The following ZMYND8 variants were observed in gnomAD, a reference collection of about 807,000 sequenced individuals.
The protein encoded by ZMYND8 is MYND-type zinc finger-containing chromatin reader ZMYND8.
A neutral mutation model predicts 140.8 loss-of-function variants in ZMYND8; 37 were observed. The observed-to-expected ratio is 0.26, with a 90% CI of 0.20 to 0.35. The LOEUF is 0.35. ZMYND8 is among the 10% of genes least tolerant of loss of function. The pLI, the probability that ZMYND8 is intolerant of heterozygous loss-of-function variation, is 1.00. For missense variants in ZMYND8, 1,068 were observed against 1,570.0 expected (o/e 0.68, Z 5.40); for synonymous variants, 592 against 597.1 (o/e 0.99, Z 0.12).
intron 2 of ZMYND8, among the ~76,000 whole-genome samples, chr20:47,325,048 G>A (rs1342782417): frequency 6.6e-6 from 1 of 152,098 alleles, no homozygotes; most frequent in Non-Finnish European, 1.5e-5. Flanking sequence ...GGGACTACAG[G>A]CGTGCGCCAC....
intron 13 of ZMYND8, among the ~76,000 whole-genome samples, chr20:47,248,324 A>C (rs2073897883): frequency 6.6e-6 from 1 of 152,262 alleles, no homozygotes; most frequent in South Asian, 2.1e-4. Flanking sequence ...GGAAGGACCC[A>C]AGAGGATTAT....
chr20:47,248,184 T>C (rs1187156478), intron 13 of ZMYND8, among the ~76,000 whole-genome samples: 1 of 152,198 alleles, frequency 6.6e-6, no homozygotes, highest in Non-Finnish European at 1.5e-5. Flanking sequence ...ATGGGACTGA[T>C]AAAAGTATCA....
At chr20:47,313,186 C>T (rs1019346343) in intron 2 of ZMYND8, among the ~76,000 whole-genome samples, 12 of 145,824 alleles carry the variant, frequency 8.2e-5, no homozygotes, top group Non-Finnish European at 1.3e-4. Context: ...ACTATGATCA[C>T]GTCGGAGCCT....
intron 2 of ZMYND8, among the ~76,000 whole-genome samples, chr20:47,333,736 A>AC (rs2081155726): frequency 8.3e-6 from 1 of 120,422 alleles, no homozygotes; most frequent in African/African-American, 3.5e-5. Context: ...AAAAAAAAAA[A>AC]AAAAAAAAAA....
chr20:47,354,163 G>C (rs1247625519), intron 1 of ZMYND8: 1 of 152,126 alleles, frequency 6.6e-6, no homozygotes, highest in South Asian at 2.1e-4. Context: ...CACAGTACCA[G>C]AGGAAAAGTG....
At chr20:47,347,731 T>G (rs1309897678) in intron 2 of ZMYND8, 125 bp downstream of exon 2, 4 of 942,956 alleles carry the variant, frequency 4.2e-6, no homozygotes, top group Non-Finnish European at 3.2e-6. Context: ...ATCTTATATC[T>G]GAAAATCCAA....
rs186210124 is a variant in ZMYND8, at chr20:47,279,667, T to C, written c.998+2435A>G. ...CTAGGCACTCTCTGACCTTAAGTTT[T>C]CTTATTGATAAAATAGACATAAAAG... On this transcript the variant is annotated intron_variant, in intron 10 of 22. Transcript: ENST00000471951. Among the ~76,000 whole-genome samples the C allele has an allele frequency of 7.6e-3, 1,163 of 152,196 alleles. 18 individuals carry two copies. Among genetic ancestry groups the C allele is most frequent in the African/African-American group, 0.026 (1,093 of 41,518 alleles).
chr20:47,269,585 G>A (rs1050752201), intron 11 of ZMYND8, among the ~76,000 whole-genome samples: 1 of 152,218 alleles, frequency 6.6e-6, no homozygotes, highest in Non-Finnish European at 1.5e-5. Flanking sequence ...ATTCACAAGT[G>A]TGGGCTGAAA....
chr20:47,266,757 A>G (rs2075555366), intron 11 of ZMYND8, among the ~76,000 whole-genome samples: 1 of 152,158 alleles, frequency 6.6e-6, no homozygotes, highest in Admixed American at 6.5e-5. Context: ...CGGGGCAAAA[A>G]TAATTTTTAG....
Position 47,318,879 on chromosome 20 carries a change from T to C in ZMYND8, c.86-8675A>G, listed in dbSNP as rs1234352738. On this transcript the variant is annotated intron_variant, in intron 2 of 22. Coordinates refer to ENST00000471951, the MANE Select transcript of ZMYND8 (RefSeq NM_001281775.3). Reference sequence around the variant, plus strand: ...ACTCTCAACTTGGGGAAAATGGCATTTCACCAGGAACATCAAGTACCTCGG... The same window carrying C: ...ACTCTCAACTTGGGGAAAATGGCATCTCACCAGGAACATCAAGTACCTCGG... 5.8e-6 allele frequency: 7 copies of C among 1,199,970 alleles called. 1 individual carries two copies. Among genetic ancestry groups the C allele is most frequent in the Non-Finnish European group, 7.8e-6 (7 of 900,162 alleles). 74.3% of individuals were successfully genotyped at this position (1,199,970 alleles called of 1,614,324 possible).
chr20:47,253,339 C>A (rs2074336452), intron 12 of ZMYND8, among the ~76,000 whole-genome samples: 1 of 152,094 alleles, frequency 6.6e-6, no homozygotes, highest in African/African-American at 2.4e-5. Flanking sequence ...GAGTTCAAGA[C>A]CAACCTGACC....
intron 3 of ZMYND8, among the ~76,000 whole-genome samples, chr20:47,305,879 C>A (rs1471486185): frequency 1.3e-5 from 2 of 152,124 alleles, no homozygotes; most frequent in Non-Finnish European, 2.9e-5. Flanking sequence ...TCTGTAAAGA[C>A]CCTGACGTCA....
intron 3 of ZMYND8, among the ~76,000 whole-genome samples, chr20:47,307,835 T>C (rs2078615114): frequency 6.7e-6 from 1 of 149,620 alleles, no homozygotes; most frequent in Non-Finnish European, 1.5e-5. Context: ...CTCAAATAAA[T>C]AAGGCCAGGC....
chr20:47,329,317 T>C (rs1448329402), intron 2 of ZMYND8, among the ~76,000 whole-genome samples: 4 of 152,190 alleles, frequency 2.6e-5, no homozygotes, highest in African/African-American at 9.7e-5. Flanking sequence ...ATCAGTGCTG[T>C]CTAATAACAG....
At chr20:47,235,331 A>T (rs962395091) in intron 16 of ZMYND8, among the ~76,000 whole-genome samples, 2 of 152,170 alleles carry the variant, frequency 1.3e-5, no homozygotes, top group African/African-American at 4.8e-5. Flanking sequence ...GACAAGATAC[A>T]CAGCACATCA....
intron 18 of ZMYND8, among the ~76,000 whole-genome samples, chr20:47,226,960 C>A (rs11906329): frequency 0.11 from 16,189 of 152,148 alleles, 1,605 homozygotes; most frequent in African/African-American, 0.26. Flanking sequence ...CCGTGCCTGA[C>A]CAATCCTCAT....
rs184690192 is a variant in ZMYND8, at chr20:47,253,495, C to A, written c.1622-4056G>T. On this transcript the variant is annotated intron_variant, in intron 12 of 22. Transcript: ENST00000471951. ...GAGCCTGCAGTGAGCCGAGATCACA[C>A]CACTGCACTCCAGCCTGGGCAACAG... is the stretch of plus-strand genomic sequence containing the variant. Among the ~76,000 whole-genome samples, 5 of 149,484 alleles carry A rather than the reference C, an allele frequency of 3.3e-5. No individual in the cohort carries two copies. The East Asian group carries it at 9.9e-4, about 29-fold the overall frequency.
intron 1 of ZMYND8, among the ~76,000 whole-genome samples, chr20:47,350,358 T>C (rs1379574507): frequency 6.7e-6 from 1 of 150,040 alleles, no homozygotes; most frequent in African/African-American, 2.4e-5. Flanking sequence ...AAAAACTTCA[T>C]TTACAAAAGC....
At chr20:47,318,717 G>C (rs1228396923) in intron 2 of ZMYND8, 1 of 459,156 alleles carries the variant, frequency 2.2e-6, no homozygotes, top group Non-Finnish European at 4.4e-6. Context: ...GAGCTGCCGG[G>C]CTGAGCCCTC....
Sources: gnomAD v4.1 joint callset for allele counts (sites outside exome capture counted in the v4.1 genomes callset) on GRCh38, gnomAD v4.1.1 for gene constraint, MANE v1.5 for transcripts, NCBI Gene and HGNC (gene_info 2026-07-23, HGNC 2026-07-21) for gene names.